The following PCGF3 variants were observed in gnomAD, a reference collection of about 807,000 sequenced individuals.
PCGF3 encodes polycomb group RING finger protein 3.
In PCGF3, 7 loss-of-function variants were observed where a neutral mutation model predicts 33.1. That is an observed-to-expected ratio of 0.21 (90% CI 0.12 to 0.40). The LOEUF (loss-of-function observed/expected upper bound fraction) is 0.40, where lower values mean the gene tolerates loss of function less well. Ranked by LOEUF, PCGF3 falls within the 10% of genes least tolerant of loss-of-function variation. The pLI is 1.00. For synonymous variants in PCGF3, 153 were observed against 121.3 expected (o/e 1.26, Z -1.72); for missense variants, 211 against 313.3 (o/e 0.67, Z 2.46).
At chr4:754,134 G>GGT (rs1298729260) in intron 8 of PCGF3, among the ~76,000 whole-genome samples, 1 of 152,176 alleles carries the variant, frequency 6.6e-6, no homozygotes, top group African/African-American at 2.4e-5. Context: ...CTGTTGACTT[G>GGT]GTGGGTGTGA....
At chr4:719,945 C>T (rs1457529370) in intron 1 of PCGF3, among the ~76,000 whole-genome samples, 6 of 152,134 alleles carry the variant, frequency 3.9e-5, no homozygotes, top group East Asian at 1.9e-4. Flanking sequence ...CCATTGGGAT[C>T]GTAGCTGTGG....
At position 743,594 on chromosome 4, in the gene PCGF3, C is replaced by T; in HGVS notation, c.373+10C>T. 1 of 1,511,980 alleles carries T rather than the reference C, an allele frequency of 6.6e-7. No individual in the cohort carries two copies. Among genetic ancestry groups the T allele is most frequent in the Non-Finnish European group, 9.2e-7 (1 of 1,087,284 alleles). The allele number at this position is 1,511,980 out of a possible 1,614,324, so 93.7% of individuals were successfully genotyped here. Reference sequence around the variant, plus strand: ...GATTCCCATCGGAATGGTGAGTGCCCTGCGTGCCCATCCAGAAGCCCCGGG... The same window carrying T: ...GATTCCCATCGGAATGGTGAGTGCCTTGCGTGCCCATCCAGAAGCCCCGGG... On this transcript the variant is annotated intron_variant, in intron 7 of 10. Transcript: ENST00000362003.
At chr4:725,832 C>T (rs906331528) in intron 1 of PCGF3, among the ~76,000 whole-genome samples, 1 of 152,162 alleles carries the variant, frequency 6.6e-6, no homozygotes, top group Non-Finnish European at 1.5e-5. Context: ...CCCCGGGTCC[C>T]CCAGCAGGTG....
At chr4:709,134 C>T (rs1412439106) in intron 1 of PCGF3, among the ~76,000 whole-genome samples, 1 of 152,166 alleles carries the variant, frequency 6.6e-6, no homozygotes, top group Non-Finnish European at 1.5e-5. Context: ...GGGTGGTCAT[C>T]CCAGGAACCC....
chr4:751,379 G>A (rs1323728180), intron 8 of PCGF3, among the ~76,000 whole-genome samples: 3 of 152,026 alleles, frequency 2.0e-5, no homozygotes, highest in East Asian at 1.9e-4. Context: ...TAGGCTTAAC[G>A]GGAGGTTGCA....
chr4:756,930 G>A (rs2152613665), intron 8 of PCGF3: 1 of 152,330 alleles, frequency 6.6e-6, no homozygotes, highest in Non-Finnish European at 1.5e-5. Flanking sequence ...CATAAAAGAG[G>A]TGTGTGTAAA....
At chr4:714,523 T>G (rs914800053) in intron 1 of PCGF3, among the ~76,000 whole-genome samples, 2 of 152,218 alleles carry the variant, frequency 1.3e-5, no homozygotes, top group Non-Finnish European at 2.9e-5. Flanking sequence ...TCAGGCCGCC[T>G]TACCTCTTCC....
At chr4:760,696 C>A (rs4690282) in intron 8 of PCGF3, among the ~76,000 whole-genome samples, 4 of 152,274 alleles carry the variant, frequency 2.6e-5, no homozygotes, top group Admixed American at 1.3e-4. Flanking sequence ...CCAAGCCGGC[C>A]GGGCCCTTGG....
At chr4:761,016 G>T (rs755362551) in intron 8 of PCGF3, among the ~76,000 whole-genome samples, 5 of 152,222 alleles carry the variant, frequency 3.3e-5, no homozygotes, top group Non-Finnish European at 5.9e-5. Context: ...GTAACTGTGG[G>T]ATTAACTCTC....
At position 715,453 on chromosome 4, in the gene PCGF3, C is replaced by T. The variant is rs576219972; in HGVS notation, c.-190+9483C>T. 1.6e-4 allele frequency among the ~76,000 whole-genome samples: 24 copies of T among 146,010 alleles called. No individual in the cohort carries two copies. The South Asian group carries it at 2.9e-3, about 17-fold the overall frequency. On this transcript the variant is annotated intron_variant, in intron 1 of 10. Transcript: ENST00000362003. ...CGTCGGTGCTGGGACCCTGTAGACA[C>T]TGTGAGTGTGAGAACTGGGCGTCTG...
exon 11 of PCGF3, chr4:769,918 A>G (rs1009707689): frequency 2.6e-5 from 4 of 152,436 alleles, no homozygotes; most frequent in Non-Finnish European, 4.4e-5. Flanking sequence ...GAAAGTTTAC[A>G]TTTTTTATGC....
Position 733,104 on chromosome 4 carries a change from C to G in PCGF3, c.-9-568C>G, listed in dbSNP as rs1288953917. ...CCCCGTGCTGCCTCCGCCCCTGCCCCGTGCTGCCTCAGGCTCTGGGAGACA... is the reference window on the plus strand; with the variant it reads ...CCCCGTGCTGCCTCCGCCCCTGCCCGGTGCTGCCTCAGGCTCTGGGAGACA... On this transcript the variant is annotated intron_variant, in intron 3 of 10. Transcript: ENST00000362003. 2.6e-5 allele frequency among the ~76,000 whole-genome samples: 3 copies of G among 115,302 alleles called. No homozygotes were observed. In the East Asian group the frequency reaches 7.3e-4, roughly 28 times the overall value. 75.6% of individuals were successfully genotyped at this position (115,302 alleles called of 152,430 possible). A position where few individuals can be genotyped will look rare whatever the true frequency, so the allele number is the denominator to read the frequency against.
intron 8 of PCGF3, among the ~76,000 whole-genome samples, chr4:760,568 A>G (rs1049695832): frequency 1.3e-5 from 2 of 151,866 alleles, no homozygotes; most frequent in African/African-American, 4.8e-5. Flanking sequence ...GTTTCAGTTA[A>G]CCCCCTGTCC....
At position 744,704 on chromosome 4, in the gene PCGF3, G is replaced by T. The variant is rs1228359169; in HGVS notation, c.462+16G>T. The T allele has an allele frequency of 6.8e-6, 10 of 1,473,152 alleles. No homozygotes were observed. Among genetic ancestry groups the T allele is most frequent in the East Asian group, 2.5e-5 (1 of 39,796 alleles). The allele number at this position is 1,473,152 out of a possible 1,614,324, so 91.3% of individuals were successfully genotyped here. A position where few individuals can be genotyped will look rare whatever the true frequency, so the allele number is the denominator to read the frequency against. ...CGACGAGCAGGTGGGCGGGGCCCGG[G>T]GGTCGCTGCAGTGTTAGTGTTCGCC... On this transcript the variant is annotated intron_variant, in intron 8 of 10. Coordinates refer to ENST00000362003, the Ensembl canonical transcript of PCGF3.
chr4:759,951 C>CGT (rs576007416), intron 8 of PCGF3, among the ~76,000 whole-genome samples: 1,659 of 140,516 alleles, frequency 0.012, 51 homozygotes, highest in African/African-American at 0.02. Context: ...TCTTTCTCCC[C>CGT]ACGGCCTCTC....
chr4:768,543 A>G (rs1327000615), exon 11 of PCGF3: 1 of 152,154 alleles, frequency 6.6e-6, no homozygotes, highest in African/African-American at 2.4e-5. Context: ...GGTAAAACAA[A>G]TGCTGTTAAA....
intron 2 of PCGF3, 66 bp from the exon 3 acceptor site, chr4:730,904 G>T: frequency 2.5e-6 from 1 of 397,564 alleles, no homozygotes; most frequent in South Asian, 1.3e-4. Context: ...CAGTAGGAAT[G>T]GCGGAGTTGT....
rs1314033166 is a variant in PCGF3 at position 720,775 on chromosome 4, G to T, written c.-189-9855G>T. 6.6e-6 allele frequency among the ~76,000 whole-genome samples: 1 copy of T among 152,100 alleles called. No homozygotes were observed. Among genetic ancestry groups the T allele is most frequent in the Non-Finnish European group, 1.5e-5 (1 of 67,980 alleles). ...CGCAGCCCCGACGTGAATGGATGTGGTTCCGACGTGACTGCGCTGGCATGG... is the reference window on the plus strand; with the variant it reads ...CGCAGCCCCGACGTGAATGGATGTGTTTCCGACGTGACTGCGCTGGCATGG... On this transcript the variant is annotated intron_variant, in intron 1 of 10. Coordinates refer to ENST00000362003, the Ensembl canonical transcript of PCGF3. The surrounding 1 kb of genome is among the most constrained non-coding windows in gnomAD (Gnocchi z 5.6).
chr4:765,558 C>T (rs1043435512), intron 10 of PCGF3, among the ~76,000 whole-genome samples: 4 of 152,212 alleles, frequency 2.6e-5, no homozygotes, highest in African/African-American at 9.6e-5. Context: ...GGGCACAGGC[C>T]CTGGTGGGAA....
Sources: allele counts gnomAD v4.1 joint callset (sites outside exome capture counted in the v4.1 genomes callset), GRCh38; gene constraint gnomAD v4.1.1; non-coding constraint Gnocchi (gnomAD v3.1); transcripts MANE v1.5; gene names NCBI Gene and HGNC (gene_info 2026-07-23, HGNC 2026-07-21).